Variants in CEP128 observed in about 807,000 individuals in gnomAD.
The protein encoded by CEP128 is centrosomal protein 128.
CEP128 carries 132 observed loss-of-function variants against 156.7 expected under a neutral mutation model. That is an observed-to-expected ratio of 0.84 (90% CI 0.73 to 0.97). The LOEUF is 0.97. Ranked by LOEUF, CEP128 falls within the 50% of genes least tolerant of loss-of-function variation. The pLI is 0.00. For synonymous variants in CEP128, 469 were observed against 448.9 expected, an observed-to-expected ratio of 1.04 and a Z score of -0.57; for missense variants, 1,252 against 1,281.9, an observed-to-expected ratio of 0.98 and a Z score of 0.36.
At chr14:80,826,435 G>A (rs1457482280) in intron 13 of CEP128, among the ~76,000 whole-genome samples, 1 of 152,034 alleles carries the variant, frequency 6.6e-6, no homozygotes, top group Non-Finnish European at 1.5e-5. Context: ...CATAATTAAG[G>A]TCTCTAAGAC....
chr14:80,656,450 G>A (rs1895178006), intron 19 of CEP128, among the ~76,000 whole-genome samples: 2 of 149,858 alleles, frequency 1.3e-5, no homozygotes, highest in South Asian at 4.2e-4. Flanking sequence ...CTGAAAGCAA[G>A]GGCATGCCAC....
At chr14:80,515,694 G>T (rs372142555) in intron 23 of CEP128, among the ~76,000 whole-genome samples, 5 of 152,132 alleles carry the variant, frequency 3.3e-5, no homozygotes, top group Admixed American at 6.5e-5. Flanking sequence ...CACTCTGCCT[G>T]AGCTGTTGCC....
intron 2 of CEP128, among the ~76,000 whole-genome samples, chr14:80,921,976 T>A (rs1053842020): frequency 1.4e-5 from 2 of 143,892 alleles, no homozygotes; most frequent in Non-Finnish European, 3.1e-5. Context: ...AAAAAAAAAA[T>A]TCCTACATTT....
rs114321958 is a variant in CEP128, at chr14:80,875,351, G to A, written c.646-12478C>T. On this transcript the variant is annotated intron_variant, in intron 8 of 24. Coordinates refer to ENST00000555265, the MANE Select transcript of CEP128 (RefSeq NM_152446.5). ...AAAATAAATGTCTATATTCTCATAC[G>A]TAATAATGTCCTAAGCCTCAAATTA... Among the ~76,000 whole-genome samples the A allele has an allele frequency of 5.3e-3, 801 of 152,274 alleles. 9 individuals carry two copies. The highest frequency in any genetic ancestry group is 0.018 in the African/African-American group (762 of 41,534).
At chr14:80,901,678 C>G (rs556885520) in intron 6 of CEP128, among the ~76,000 whole-genome samples, 3 of 152,326 alleles carry the variant, frequency 2.0e-5, no homozygotes, top group African/African-American at 7.2e-5. Flanking sequence ...TTGACACCTC[C>G]TTTTCACTCA....
At chr14:80,806,831 C>T (rs1884205012) in intron 13 of CEP128, among the ~76,000 whole-genome samples, 1 of 151,960 alleles carries the variant, frequency 6.6e-6, no homozygotes, top group African/African-American at 2.4e-5. Context: ...AAATATAAAA[C>T]AAATATTGAG....
At chr14:80,670,714 A>G (rs1480608510) in intron 19 of CEP128, among the ~76,000 whole-genome samples, 1 of 152,210 alleles carries the variant, frequency 6.6e-6, no homozygotes, top group African/African-American at 2.4e-5. Flanking sequence ...AAAGACCCAG[A>G]GTCCACTACA....
intron 2 of CEP128, among the ~76,000 whole-genome samples, chr14:80,917,203 G>C (rs1884611918): frequency 6.6e-6 from 1 of 152,168 alleles, no homozygotes. Context: ...TGCATCAGTA[G>C]ATAATTCTCT....
chr14:80,558,264 C>T (rs1388582448), intron 21 of CEP128, among the ~76,000 whole-genome samples: 1 of 151,788 alleles, frequency 6.6e-6, no homozygotes, highest in East Asian at 1.9e-4. Flanking sequence ...TCTATAAAAC[C>T]ATAATTTTAT....
intron 14 of CEP128, among the ~76,000 whole-genome samples, chr14:80,792,448 T>G (rs1325180415): frequency 6.6e-6 from 1 of 152,234 alleles, no homozygotes; most frequent in Non-Finnish European, 1.5e-5. Flanking sequence ...TAGTCATTTT[T>G]TTTCCATTGG....
intron 24 of CEP128, among the ~76,000 whole-genome samples, chr14:80,499,041 G>A (rs1887620794): frequency 6.6e-6 from 1 of 152,178 alleles, no homozygotes. Context: ...AAATAAATCT[G>A]TAATCACATA....
intron 16 of CEP128, among the ~76,000 whole-genome samples, chr14:80,773,203 T>C (rs2139745605): frequency 6.6e-6 from 1 of 152,252 alleles, no homozygotes; most frequent in Admixed American, 6.5e-5. Flanking sequence ...AAAATGAAAA[T>C]CATCAGTAAA....
chr14:80,919,991 A>G lies in CEP128; in HGVS notation c.-15-3429T>C, dbSNP rs889902475. On this transcript the variant is annotated intron_variant, in intron 2 of 24. Transcript: ENST00000555265. ...GCATGGCTTTTTTTAAGCATATGAA[A>G]CATTCAGCAACTATCTAAGGACTTT... is the stretch of plus-strand genomic sequence containing the variant. 3.3e-5 allele frequency among the ~76,000 whole-genome samples: 5 copies of G among 152,340 alleles called. No individual in the cohort carries two copies. The East Asian group carries it at 5.8e-4, about 18-fold the overall frequency.
intron 8 of CEP128, among the ~76,000 whole-genome samples, chr14:80,876,738 T>C (rs1270539977): frequency 6.6e-6 from 1 of 152,192 alleles, no homozygotes; most frequent in Non-Finnish European, 1.5e-5. Context: ...TGAAAATTTT[T>C]CAACATAGAA....
At chr14:80,556,383 ATTCT>A (rs1386512890) in intron 21 of CEP128, among the ~76,000 whole-genome samples, 1 of 152,180 alleles carries the variant, frequency 6.6e-6, no homozygotes, top group African/African-American at 2.4e-5. Context: ...TTTAACAGTC[ATTCT>A]TTCATTCTAC....
exon 15 of CEP128, chr14:80,477,853 C>T (rs1323871489): frequency 2.0e-5 from 3 of 152,172 alleles, no homozygotes; most frequent in Non-Finnish European, 4.4e-5. Flanking sequence ...TTTTTCTTCA[C>T]CCAGGGCCTT....
chr14:80,883,553 G>T (rs72693028), intron 8 of CEP128, among the ~76,000 whole-genome samples: 23,289 of 151,920 alleles, frequency 0.15, 2,078 homozygotes, highest in Admixed American at 0.22. Flanking sequence ...GATCTCTACA[G>T]TGAAAACTAT....
At chr14:80,669,358 C>A (rs908211214) in intron 19 of CEP128, among the ~76,000 whole-genome samples, 1 of 151,804 alleles carries the variant, frequency 6.6e-6, no homozygotes, top group African/African-American at 2.4e-5. Context: ...TAAGAAAAAT[C>A]AAAATAGTAA....
intron 17 of CEP128, 125 bp from the exon 18 acceptor site, chr14:80,757,076 T>C (rs1595355013): frequency 1.6e-6 from 1 of 632,412 alleles, no homozygotes; most frequent in East Asian, 2.9e-5. Context: ...AAAGAAAAAT[T>C]GTTGCCCCAA....
Sources: gnomAD v4.1 joint callset for allele counts (sites outside exome capture counted in the v4.1 genomes callset) on GRCh38, gnomAD v4.1.1 for gene constraint, MANE v1.5 for transcripts, NCBI Gene and HGNC (gene_info 2026-07-23, HGNC 2026-07-21) for gene names.